The following CDH2 variants were observed in gnomAD, a reference collection of about 807,000 sequenced individuals.
The protein encoded by CDH2 is cadherin-2.
Under a neutral mutation model 92.0 loss-of-function variants are expected in CDH2, and 17 were observed. The ratio of observed to expected loss-of-function variants is 0.18; its 90% CI spans 0.13 to 0.28. CDH2 has a LOEUF of 0.28. CDH2 is among the 10% of genes least tolerant of loss of function. The probability of loss-of-function intolerance (pLI) is 1.00; values close to 1 mark genes in which losing one functional copy is unlikely to be tolerated. For synonymous variants in CDH2, 419 were observed against 415.9 expected, an observed-to-expected ratio of 1.01 and a Z score of -0.09; for missense variants, 862 against 1,133.1, an observed-to-expected ratio of 0.76 and a Z score of 3.44.
At chr18:28,175,319 G>C (rs1275730283) in intron 1 of CDH2, among the ~76,000 whole-genome samples, 2 of 152,328 alleles carry the variant, frequency 1.3e-5, no homozygotes, top group Non-Finnish European at 2.9e-5. Context: ...CCGAGTGGCG[G>C]ATGGCGAGTG....
intron 1 of CDH2, among the ~76,000 whole-genome samples, chr18:28,167,053 A>C (rs1209578365): frequency 6.6e-6 from 1 of 152,158 alleles, no homozygotes; most frequent in Non-Finnish European, 1.5e-5. Flanking sequence ...AACTGGGTAA[A>C]GCCTTGTTGA....
chr18:28,176,464 G>A (rs886972356), intron 1 of CDH2, among the ~76,000 whole-genome samples: 1 of 152,214 alleles, frequency 6.6e-6, no homozygotes, highest in African/African-American at 2.4e-5. Flanking sequence ...TGAGCACCGG[G>A]AGGCGCACGG....
intron 2 of CDH2, among the ~76,000 whole-genome samples, chr18:28,091,660 T>C (rs1039689485): frequency 2.6e-5 from 4 of 152,198 alleles, no homozygotes; most frequent in Admixed American, 2.0e-4. Context: ...AAGCTACCAC[T>C]GGAAAATTAA....
intron 2 of CDH2, among the ~76,000 whole-genome samples, chr18:28,124,227 GT>G (rs2015637671): frequency 6.6e-6 from 1 of 151,794 alleles, no homozygotes; most frequent in Admixed American, 6.6e-5. Context: ...TAATTTTAAG[GT>G]TCATTTTGTA....
At chr18:28,061,502 G>A (rs998288368) in intron 2 of CDH2, among the ~76,000 whole-genome samples, 6 of 152,100 alleles carry the variant, frequency 3.9e-5, no homozygotes, top group African/African-American at 1.4e-4. Flanking sequence ...AAAATCAGCC[G>A]AGCGTGGTGG....
At chr18:28,111,185 C>A (rs2015406471) in intron 2 of CDH2, among the ~76,000 whole-genome samples, 1 of 152,202 alleles carries the variant, frequency 6.6e-6, no homozygotes. Context: ...AAGAAAACAA[C>A]AGAGGAGGAC....
At chr18:28,047,276 T>C (rs182331719) in intron 2 of CDH2, among the ~76,000 whole-genome samples, 1 of 152,328 alleles carries the variant, frequency 6.6e-6, no homozygotes. Flanking sequence ...ATATCTATCA[T>C]AGTCTTGGCC....
chr18:28,030,142 T>C (rs2013656400), intron 2 of CDH2, among the ~76,000 whole-genome samples: 1 of 152,088 alleles, frequency 6.6e-6, no homozygotes, highest in Non-Finnish European at 1.5e-5. Context: ...CCTGGCATTA[T>C]TAATGTTTCA....
chr18:28,036,916 C>T (rs1379733503), intron 2 of CDH2, among the ~76,000 whole-genome samples: 1 of 152,120 alleles, frequency 6.6e-6, no homozygotes, highest in African/African-American at 2.4e-5. Context: ...GTCTTAGATG[C>T]ATTTTCTATC....
chr18:27,999,678 ATATATATG>A (rs2012702945), intron 7 of CDH2, among the ~76,000 whole-genome samples: 1 of 144,648 alleles, frequency 6.9e-6, no homozygotes, highest in Non-Finnish European at 1.5e-5. Context: ...ATATATACAT[ATATATATG>A]TGTGTGTGTG....
At chr18:28,159,653 T>G (rs2016275171) in intron 1 of CDH2, among the ~76,000 whole-genome samples, 1 of 145,592 alleles carries the variant, frequency 6.9e-6, no homozygotes, top group East Asian at 1.9e-4. Context: ...ACCTGCAATT[T>G]TTTTGTTTTT....
At chr18:28,095,822 A>AG (rs1555641271) in intron 2 of CDH2, among the ~76,000 whole-genome samples, 7 of 147,072 alleles carry the variant, frequency 4.8e-5, no homozygotes, top group Non-Finnish European at 9.1e-5. Context: ...AAAAAAAAAA[A>AG]AAAGAAAGAA....
At chr18:28,008,797 G>A (rs1253921623) in intron 5 of CDH2, among the ~76,000 whole-genome samples, 4 of 151,398 alleles carry the variant, frequency 2.6e-5, no homozygotes, top group Non-Finnish European at 5.9e-5. Context: ...AAAAGTACAA[G>A]AATTCAACAA....
At chr18:28,078,953 T>C (rs2014776884) in intron 2 of CDH2, among the ~76,000 whole-genome samples, 1 of 152,114 alleles carries the variant, frequency 6.6e-6, no homozygotes, top group Non-Finnish European at 1.5e-5. Flanking sequence ...CTAATCAGAG[T>C]AGAGCCTACT....
At chr18:28,079,554 C>G (rs1368420546) in intron 2 of CDH2, among the ~76,000 whole-genome samples, 1 of 151,986 alleles carries the variant, frequency 6.6e-6, no homozygotes, top group Non-Finnish European at 1.5e-5. Context: ...AAATTTTTTT[C>G]CTTTGCAGGA....
At chr18:28,082,128 T>C (rs1210798526) in intron 2 of CDH2, among the ~76,000 whole-genome samples, 4 of 152,108 alleles carry the variant, frequency 2.6e-5, no homozygotes, top group South Asian at 2.1e-4. Flanking sequence ...TTCTAAAAAG[T>C]GTTTAAATTG....
intron 15 of CDH2, among the ~76,000 whole-genome samples, chr18:27,961,604 G>A (rs1239313159): frequency 1.3e-5 from 2 of 152,172 alleles, no homozygotes; most frequent in East Asian, 3.9e-4. Flanking sequence ...ATGTGGGGAC[G>A]TGAGGGGTAG....
At chr18:27,989,197 C>T (rs1301271154) in intron 10 of CDH2, among the ~76,000 whole-genome samples, 1 of 152,198 alleles carries the variant, frequency 6.6e-6, no homozygotes, top group East Asian at 1.9e-4. Flanking sequence ...AGCCTCAGAT[C>T]TATACCTTTG....
intron 2 of CDH2, among the ~76,000 whole-genome samples, chr18:28,042,361 GGT>G (rs1256240554): frequency 6.6e-6 from 1 of 152,070 alleles, no homozygotes; most frequent in African/African-American, 2.4e-5. Flanking sequence ...TGACATTTAA[GGT>G]GATCTGTCTG....
Sources: gnomAD v4.1 joint callset for allele counts (sites outside exome capture counted in the v4.1 genomes callset) on GRCh38, gnomAD v4.1.1 for gene constraint, MANE v1.5 for transcripts, NCBI Gene and HGNC (gene_info 2026-07-23, HGNC 2026-07-21) for gene names.